The following KLHL11 variants were observed in gnomAD, a reference collection of about 807,000 sequenced individuals.
KLHL11 encodes kelch-like protein 11.
KLHL11 carries 26 observed loss-of-function variants against 56.1 expected under a neutral mutation model. The ratio of observed to expected loss-of-function variants is 0.46; its 90% CI spans 0.34 to 0.64. The LOEUF is 0.64. Among genes scored for constraint, KLHL11 ranks in the 30% least tolerant of loss-of-function variants. The probability of loss-of-function intolerance (pLI) is 0.01; values close to 1 mark genes in which losing one functional copy is unlikely to be tolerated. For missense variants in KLHL11, 627 were observed against 919.4 expected (o/e 0.68, Z 4.11); for synonymous variants, 338 against 345.8 (o/e 0.98, Z 0.25).
chr17:41,849,770 A>C lies in KLHL11; in HGVS notation c.*3970T>G, dbSNP rs1156249719. The C allele has an allele frequency of 6.6e-6, 1 of 152,220 alleles. No individual in the cohort carries two copies. The highest frequency in any genetic ancestry group is 2.4e-5 in the African/African-American group (1 of 41,452). The allele number at this position is 152,220 out of a possible 1,614,324, so 9.4% of individuals were successfully genotyped here. ...TGTAAGTGGGATGTGTTACTTAAAC[A>C]CTAAGCTCATGACTGACATTCTCAA... On this transcript the variant is annotated 3_prime_UTR_variant, in exon 2 of 2. Transcript: ENST00000319121.
In KLHL11 at chr17:41,854,433, A is replaced by G; in HGVS notation, c.1434T>C (p.Leu478=). 1 of 1,614,160 alleles carries G rather than the reference A, an allele frequency of 6.2e-7. No individual in the cohort carries two copies. ...CCGATTCCAAGTTGTGCCATTTATC[A>G]AGCTCAGGATTATAAACAGTCACAT... ...FKDVTVYNPE[L]DKWHNLESAP... is the part of the protein sequence containing the mutation. Residue 478 remains leucine (L), a synonymous_variant, in exon 2 of 2, where the codon CTT becomes CTC. Transcript: ENST00000319121. This position sits in a 1 kb window ranked among gnomAD's most constrained non-coding sequence, Gnocchi z 4.9.
In KLHL11 at chr17:41,853,970, G is replaced by T; in HGVS notation, c.1897C>A (p.Arg633=). 6.2e-7 allele frequency: 1 copy of T among 1,614,098 alleles called. No individual in the cohort carries two copies. Among genetic ancestry groups the T allele is most frequent in the Non-Finnish European group, 8.5e-7 (1 of 1,180,014 alleles). The change falls in exon 2 of 2, where the codon CGA becomes AGA. Residue 633 remains arginine (R), a synonymous_variant. Coordinates refer to ENST00000319121, the MANE Select transcript of KLHL11 (RefSeq NM_018143.3). ...CACCTCTTCCTCTCCGCACAATATC[G>T]GTAGGCTTCTTTCCGATACTGTTTA... ...IDKQYRKEAY[R]YCAERKRWML...
intron 1 of KLHL11, among the ~76,000 whole-genome samples, chr17:41,862,233 C>T (rs1318054639): frequency 6.6e-6 from 1 of 151,854 alleles, no homozygotes; most frequent in Admixed American, 6.6e-5. Context: ...GGATTACAGG[C>T]ACCTGCCACC....
At position 41,853,640 on chromosome 17, in the gene KLHL11, T is replaced by C. The variant is rs1567872902; in HGVS notation, c.*100A>G. 8 of 1,388,416 alleles carry C rather than the reference T, an allele frequency of 5.8e-6. No homozygotes were observed. Among genetic ancestry groups the C allele is most frequent in the Non-Finnish European group, 6.8e-6 (7 of 1,029,736 alleles). 86.0% of individuals were successfully genotyped at this position (1,388,416 alleles called of 1,614,324 possible). ...TATATGGGGTAATAATCAGTTCATG[T>C]AGAAAATAAGTTATCGACATACTTT... On this transcript the variant is annotated 3_prime_UTR_variant, in exon 2 of 2. Coordinates refer to ENST00000319121, the MANE Select transcript of KLHL11 (RefSeq NM_018143.3).
At position 41,852,853 on chromosome 17, in the gene KLHL11, A is replaced by C. The variant is rs1295016920; in HGVS notation, c.*887T>G. On this transcript the variant is annotated 3_prime_UTR_variant, in exon 2 of 2. Transcript: ENST00000319121. ...TGCATTAGAGCAAAAATTAAAATGG[A>C]AGGCATTGAGTGTCGATTGTCATAG... 6.6e-6 allele frequency among the ~76,000 whole-genome samples: 1 copy of C among 152,118 alleles called. No individual in the cohort carries two copies. Among genetic ancestry groups the C allele is most frequent in the African/African-American group, 2.4e-5 (1 of 41,438 alleles).
At chr17:41,863,037 C>T (rs1262084163) in intron 1 of KLHL11, among the ~76,000 whole-genome samples, 1 of 152,092 alleles carries the variant, frequency 6.6e-6, no homozygotes, top group Non-Finnish European at 1.5e-5. Flanking sequence ...ATCTCATCCA[C>T]TTTCAAAATA....
chr17:41,862,528 C>G (rs898494586), intron 1 of KLHL11, among the ~76,000 whole-genome samples: 4 of 151,968 alleles, frequency 2.6e-5, no homozygotes, highest in Non-Finnish European at 5.9e-5. Flanking sequence ...GATCTGCCCA[C>G]CTCGGCCTCC....
At position 41,854,638 on chromosome 17, in the gene KLHL11, T is replaced by C. The variant is rs1455626392; in HGVS notation, c.1229A>G (p.Tyr410Cys). 6.2e-7 allele frequency: 1 copy of C among 1,614,202 alleles called. No homozygotes were observed. The highest frequency in any genetic ancestry group is 8.5e-7 in the Non-Finnish European group (1 of 1,180,032). The change falls in exon 2 of 2, where the codon TAT becomes TGT. Residue 410 changes from tyrosine to cysteine, a missense_variant. Tyr to Cys is a radical substitution (Grantham distance 194). Coordinates refer to ENST00000319121, the MANE Select transcript of KLHL11 (RefSeq NM_018143.3). The surrounding 1 kb of genome is among the most constrained non-coding windows in gnomAD (Gnocchi z 4.9). Reference protein sequence around the residue: ...HAVAVTESYVYVAGSMEPGFA... With the variant: ...HAVAVTESYVCVAGSMEPGFA... Reference sequence around the variant, plus strand: ...CCCTGGCTCCATTGATCCAGCAACATACACGTAGGATTCTGTTACTGCAAC... The same window carrying C: ...CCCTGGCTCCATTGATCCAGCAACACACACGTAGGATTCTGTTACTGCAAC...
At position 41,865,418 on chromosome 17, in the gene KLHL11, G is replaced by T; in HGVS notation, c.-48C>A. On this transcript the variant is annotated 5_prime_UTR_variant, in exon 1 of 2. Coordinates refer to ENST00000319121, the MANE Select transcript of KLHL11 (RefSeq NM_018143.3). Reference sequence around the variant, plus strand: ...TCCACAGCCTCGGAACGATGCGGCTGTTGGTACGACACAGAGGGATTCTGG... The same window carrying T: ...TCCACAGCCTCGGAACGATGCGGCTTTTGGTACGACACAGAGGGATTCTGG... The T allele has an allele frequency of 8.3e-7, 1 of 1,197,676 alleles. No individual in the cohort carries two copies. Among genetic ancestry groups the T allele is most frequent in the East Asian group, 2.9e-5 (1 of 33,978 alleles). 74.2% of individuals were successfully genotyped at this position (1,197,676 alleles called of 1,614,324 possible).
intron 1 of KLHL11, among the ~76,000 whole-genome samples, chr17:41,863,711 G>A (rs1555623282): frequency 1.3e-5 from 2 of 152,122 alleles, no homozygotes; most frequent in African/African-American, 4.8e-5. Flanking sequence ...GCTCCCCACT[G>A]TTCTCTAACA....
chr17:41,855,526 T>C (rs2048359410), intron 1 of KLHL11, among the ~76,000 whole-genome samples: 1 of 152,002 alleles, frequency 6.6e-6, no homozygotes, highest in South Asian at 2.1e-4. Flanking sequence ...CATACCACCA[T>C]GTCCAGCTAA....
rs1555623408 is a variant in KLHL11 at position 41,865,070 on chromosome 17, C to T, written c.301G>A (p.Gly101Ser). ...GLFCDITLCF[G>S]GAGGREFRAH... ...CGGAACTCGCGGCCTCCAGCCCCGC[C>T]GAAGCACAGGGTAATGTCGCAGAAG... The change falls in exon 1 of 2, where the codon GGC becomes AGC. Residue 101 changes from glycine (G) to serine (S), a missense_variant. By Grantham distance (56) the Gly-to-Ser change is moderately conservative. This residue lies in a region of KLHL11 where 150 missense variants were observed against 215.7 expected (regional missense o/e 0.70). Transcript: ENST00000319121. 1 of 1,595,070 alleles carries T rather than the reference C, an allele frequency of 6.3e-7. No individual in the cohort carries two copies. The highest frequency in any genetic ancestry group is 8.6e-7 in the Non-Finnish European group (1 of 1,168,478).
At position 41,865,184 on chromosome 17, in the gene KLHL11, C is replaced by T; in HGVS notation, c.187G>A (p.Asp63Asn). 7 of 1,609,234 alleles carry T rather than the reference C, an allele frequency of 4.3e-6. No individual in the cohort carries two copies. The highest frequency in any genetic ancestry group is 5.9e-6 in the Non-Finnish European group (7 of 1,178,566). The part of the protein sequence containing the change: ...GISAMEASGG[D>N]PGPEAEDFEC... The stretch of plus-strand genomic sequence containing the variant: ...AAATCCTCGGCTTCTGGGCCCGGAT[C>T]GCCCCCGCTCGCCTCCATTGCAGAG... Residue 63 changes from aspartate to asparagine, a missense_variant, in exon 1 of 2, where the codon GAT (aspartate) becomes AAT (asparagine). This residue lies in a region of KLHL11 where 121 missense variants were observed against 116.2 expected (regional missense o/e 1.04). Transcript: ENST00000319121.
At position 41,852,162 on chromosome 17, in the gene KLHL11, G is replaced by C. The variant is rs2048335645; in HGVS notation, c.*1578C>G. Among the ~76,000 whole-genome samples the C allele has an allele frequency of 6.6e-6, 1 of 151,986 alleles. No homozygotes were observed. Among genetic ancestry groups the C allele is most frequent in the Non-Finnish European group, 1.5e-5 (1 of 68,014 alleles). ...CAAGTAGGAAGGACTACAGGCACGT[G>C]CCAGCTACCACACTCAGCTAATTTT... On this transcript the variant is annotated 3_prime_UTR_variant, in exon 2 of 2. Transcript: ENST00000319121.
In KLHL11 at chr17:41,855,033, A is replaced by G. The variant is rs782700235; in HGVS notation, c.834T>C (p.Ala278=). ...ETVLKWVQRN[A]EERERYFEEL... is the part of the protein sequence containing the mutation. The stretch of plus-strand genomic sequence containing the variant: ...CTTCAAAGTATCTCTCTCTCTCTTC[A>G]GCATTTCTCTGAACCCATTTCAAAA... The change falls in exon 2 of 2, where the codon GCT becomes GCC. Residue 278 remains alanine (A), a synonymous_variant. Coordinates refer to ENST00000319121, the MANE Select transcript of KLHL11 (RefSeq NM_018143.3). 9.3e-6 allele frequency: 15 copies of G among 1,614,076 alleles called. No individual in the cohort carries two copies. The highest frequency in any genetic ancestry group is 1.3e-5 in the African/African-American group (1 of 75,072).
chr17:41,864,224 C>T (rs527245979), intron 1 of KLHL11, among the ~76,000 whole-genome samples: 38 of 152,238 alleles, frequency 2.5e-4, no homozygotes, highest in Non-Finnish European at 4.6e-4. Flanking sequence ...AACACAGTGG[C>T]AGAATAATAT....
chr17:41,865,350 C>T lies in KLHL11; in HGVS notation c.21G>A (p.Ala7=). ...CAGCCGCGGCCGCCGCCGCCGCCGC[C>T]GCCACTGCCGCAGCCGCCATCTTGA... is the stretch of plus-strand genomic sequence containing the variant. MAAAAV[A]AAAAAAAAAS... Residue 7 remains alanine, a synonymous_variant, in exon 1 of 2, where the codon GCG becomes GCA. Coordinates refer to ENST00000319121, the MANE Select transcript of KLHL11 (RefSeq NM_018143.3). 1.4e-6 allele frequency: 2 copies of T among 1,446,648 alleles called. No homozygotes were observed. Among genetic ancestry groups the T allele is most frequent in the Non-Finnish European group, 1.8e-6 (2 of 1,113,662 alleles). The allele number at this position is 1,446,648 out of a possible 1,614,324, so 89.6% of individuals were successfully genotyped here.
rs1164046960 is a variant in KLHL11, at chr17:41,853,658, C to T, written c.*82G>A. The T allele has an allele frequency of 6.1e-6, 9 of 1,470,736 alleles. 1 individual carries two copies. In the East Asian group the frequency reaches 2.1e-4, roughly 34 times the overall value. 91.1% of individuals were successfully genotyped at this position (1,470,736 alleles called of 1,614,324 possible). On this transcript the variant is annotated 3_prime_UTR_variant, in exon 2 of 2. Coordinates refer to ENST00000319121, the MANE Select transcript of KLHL11 (RefSeq NM_018143.3). ...GTTCATGTAGAAAATAAGTTATCGA[C>T]ATACTTTTTTAAATAACAGCCTGGG...
intron 1 of KLHL11, among the ~76,000 whole-genome samples, chr17:41,857,057 A>C (rs1567874175): frequency 6.6e-5 from 10 of 152,106 alleles, no homozygotes; most frequent in Admixed American, 5.9e-4. Context: ...AGAGCTGGGC[A>C]GGGAGATGCA....
Sources: allele counts gnomAD v4.1 joint callset (sites outside exome capture counted in the v4.1 genomes callset), GRCh38; gene constraint gnomAD v4.1.1; regional missense constraint gnomAD v4.1.1; non-coding constraint Gnocchi (gnomAD v3.1); transcripts MANE v1.5; gene names NCBI Gene and HGNC (gene_info 2026-07-23, HGNC 2026-07-21).